The following ERBB4 variants were observed in gnomAD, a reference collection of about 807,000 sequenced individuals.
ERBB4 encodes the protein receptor tyrosine-protein kinase erbB-4.
A neutral mutation model predicts 158.0 loss-of-function variants in ERBB4; 42 were observed. The ratio of observed to expected loss-of-function variants is 0.27; its 90% CI spans 0.21 to 0.34. The LOEUF (loss-of-function observed/expected upper bound fraction) is 0.34, where lower values mean the gene tolerates loss of function less well. Among genes scored for constraint, ERBB4 ranks in the 10% least tolerant of loss-of-function variants. The pLI, the probability that ERBB4 is intolerant of heterozygous loss-of-function variation, is 1.00. For missense variants in ERBB4, 1,333 were observed against 1,624.1 expected (o/e 0.82, Z 3.08); for synonymous variants, 583 against 558.7 (o/e 1.04, Z -0.61).
At chr2:211,816,824 G>A (rs1306610730) in intron 3 of ERBB4, among the ~76,000 whole-genome samples, 2 of 152,068 alleles carry the variant, frequency 1.3e-5, no homozygotes, top group African/African-American at 4.8e-5. Context: ...TCAGTACTTA[G>A]CATTCACTTC....
rs781129711 is a variant in ERBB4 at position 212,026,983 on chromosome 2, ATAAT to A, written c.235-79371_235-79368del. On this transcript the variant is annotated intron_variant, in intron 2 of 27. Transcript: ENST00000342788. Reference sequence around the variant, plus strand: ...TTATAATATTTAGTTGATACTAACAATAATTAATTAATACAAATAATAATTTGTA... The same window carrying A: ...TTATAATATTTAGTTGATACTAACAATAATTAATACAAATAATAATTTGTA... 3.2e-4 allele frequency among the ~76,000 whole-genome samples: 49 copies of A among 152,102 alleles called. 1 individual carries two copies. Among genetic ancestry groups the A allele is most frequent in the South Asian group, 8.3e-4 (4 of 4,826 alleles).
intron 1 of ERBB4, among the ~76,000 whole-genome samples, chr2:212,148,371 G>A (rs1575705060): frequency 6.6e-6 from 1 of 152,218 alleles, no homozygotes; most frequent in East Asian, 1.9e-4. Context: ...TTGTGTGTTT[G>A]TGTATTATCT....
intron 1 of ERBB4, among the ~76,000 whole-genome samples, chr2:212,306,849 T>C (rs538725782): frequency 6.6e-6 from 1 of 151,326 alleles, no homozygotes; most frequent in East Asian, 2.0e-4. Flanking sequence ...TTAGAAAATA[T>C]AATAATTTAA....
chr2:212,537,204 C>A (rs1375670718), intron 1 of ERBB4, among the ~76,000 whole-genome samples: 1 of 151,908 alleles, frequency 6.6e-6, no homozygotes, highest in Non-Finnish European at 1.5e-5. Flanking sequence ...CAGAAGGACA[C>A]CCTCCGGGGG....
intron 1 of ERBB4, among the ~76,000 whole-genome samples, chr2:212,411,934 A>G (rs2091511555): frequency 6.6e-6 from 1 of 152,122 alleles, no homozygotes; most frequent in Admixed American, 6.6e-5. Context: ...CCTGTAGCCC[A>G]CATCTGGTCT....
intron 1 of ERBB4, among the ~76,000 whole-genome samples, chr2:212,226,367 A>G (rs1204331876): frequency 4.6e-5 from 7 of 150,996 alleles, no homozygotes; most frequent in Non-Finnish European, 1.0e-4. Flanking sequence ...TAGCCATGCT[A>G]TACCTGTACC....
chr2:211,966,386 C>T (rs534348708), intron 2 of ERBB4, among the ~76,000 whole-genome samples: 1 of 152,166 alleles, frequency 6.6e-6, no homozygotes, highest in South Asian at 2.1e-4. Flanking sequence ...GGATTGCAGG[C>T]ACCCGCCACC....
At chr2:211,539,587 T>C (rs1029907498) in intron 20 of ERBB4, among the ~76,000 whole-genome samples, 1 of 151,952 alleles carries the variant, frequency 6.6e-6, no homozygotes, top group Non-Finnish European at 1.5e-5. Context: ...TAAAGCTTTA[T>C]GGCTCCCTTT....
At chr2:211,429,327 C>T (rs564269936) in intron 21 of ERBB4, among the ~76,000 whole-genome samples, 7 of 152,160 alleles carry the variant, frequency 4.6e-5, no homozygotes, top group Middle Eastern at 3.4e-3. Flanking sequence ...GCCACTAAAA[C>T]GCCTAAAATC....
chr2:211,836,493 A>G (rs1347957572), intron 3 of ERBB4, among the ~76,000 whole-genome samples: 1 of 152,108 alleles, frequency 6.6e-6, no homozygotes, highest in Non-Finnish European at 1.5e-5. Context: ...CAAAATTTTT[A>G]TTAGAAGGTA....
At chr2:212,409,049 TCA>T (rs2091427452) in intron 1 of ERBB4, among the ~76,000 whole-genome samples, 1 of 152,188 alleles carries the variant, frequency 6.6e-6, no homozygotes, top group Admixed American at 6.6e-5. Context: ...AATCATTTAT[TCA>T]AGAACACAGA....
At chr2:211,613,814 T>C (rs1301070136) in intron 19 of ERBB4, among the ~76,000 whole-genome samples, 2 of 152,042 alleles carry the variant, frequency 1.3e-5, no homozygotes, top group East Asian at 3.9e-4. Flanking sequence ...TCATACACTG[T>C]TGGTGCAAAT....
At position 211,908,617 on chromosome 2, in the gene ERBB4, T is replaced by C. The variant is rs539196988; in HGVS notation, c.421+38813A>G. On this transcript the variant is annotated intron_variant, in intron 3 of 27. Transcript: ENST00000342788. ...TCCGAACACCCACTGAATCAGGTTGTTCTCAGATTTGCCCAGCATTTTATG... is the reference window on the plus strand; with the variant it reads ...TCCGAACACCCACTGAATCAGGTTGCTCTCAGATTTGCCCAGCATTTTATG... Among the ~76,000 whole-genome samples, 15 of 151,980 alleles carry C rather than the reference T, an allele frequency of 9.9e-5. 1 individual carries two copies. The South Asian group carries it at 3.1e-3, about 32-fold the overall frequency.
At chr2:212,442,176 T>C (rs2092268142) in intron 1 of ERBB4, among the ~76,000 whole-genome samples, 1 of 152,128 alleles carries the variant, frequency 6.6e-6, no homozygotes, top group Non-Finnish European at 1.5e-5. Context: ...AGAAGTGAAA[T>C]TGATAGGAAG....
chr2:212,167,978 C>A (rs2081399107), intron 1 of ERBB4, among the ~76,000 whole-genome samples: 1 of 151,054 alleles, frequency 6.6e-6, no homozygotes, highest in Non-Finnish European at 1.5e-5. Context: ...GAGGATGGGT[C>A]AATAGGTGCA....
chr2:212,044,916 C>T (rs565862654), intron 2 of ERBB4, among the ~76,000 whole-genome samples: 1 of 151,778 alleles, frequency 6.6e-6, no homozygotes, highest in Admixed American at 6.6e-5. Flanking sequence ...GATACGATTT[C>T]AGTATCATCA....
intron 1 of ERBB4, among the ~76,000 whole-genome samples, chr2:212,488,318 C>CTT (rs1690090337): frequency 8.6e-6 from 1 of 115,778 alleles, no homozygotes; most frequent in African/African-American, 3.9e-5. Context: ...TTTCCTCGCT[C>CTT]CTCTCTCTCT....
At chr2:212,411,565 T>C (rs1199166293) in intron 1 of ERBB4, among the ~76,000 whole-genome samples, 4 of 152,250 alleles carry the variant, frequency 2.6e-5, no homozygotes, top group African/African-American at 7.2e-5. Context: ...AGCTTGCCAA[T>C]GCCAATTTTT....
At chr2:211,851,576 A>C (rs2077722797) in intron 3 of ERBB4, among the ~76,000 whole-genome samples, 3 of 151,940 alleles carry the variant, frequency 2.0e-5, no homozygotes, top group Admixed American at 2.0e-4. Flanking sequence ...GGTAACAAAC[A>C]TATGTAAGTT....
Sources: allele counts gnomAD v4.1 joint callset (sites outside exome capture counted in the v4.1 genomes callset), GRCh38; gene constraint gnomAD v4.1.1; transcripts MANE v1.5; gene names NCBI Gene and HGNC (gene_info 2026-07-23, HGNC 2026-07-21).